The following FAM234B variants were observed in gnomAD, a reference collection of about 807,000 sequenced individuals.
FAM234B encodes family with sequence similarity 234 member B.
FAM234B carries 33 observed loss-of-function variants against 69.3 expected under a neutral mutation model. That is an observed-to-expected ratio of 0.48 (90% confidence interval 0.36 to 0.64). The LOEUF (loss-of-function observed/expected upper bound fraction) is 0.64. Among genes scored for constraint, FAM234B ranks in the 30% least tolerant of loss-of-function variants. FAM234B has a pLI of 0.00. For synonymous variants in FAM234B, 306 were observed against 306.9 expected, an observed-to-expected ratio of 1.00 and a Z score of 0.03; for missense variants, 697 against 769.7, an observed-to-expected ratio of 0.91 and a Z score of 1.12.
rs1361128114 is a variant in FAM234B at position 13,067,174 on chromosome 12, A to G, written c.1020A>G (p.Ala340=). The change falls in exon 7 of 13, where the codon GCA becomes GCG. Residue 340 remains alanine (A), a synonymous_variant. Coordinates refer to ENST00000197268, the MANE Select transcript of FAM234B (RefSeq NM_020853.2). This position sits in a 1 kb window ranked among gnomAD's most constrained non-coding sequence, Gnocchi z 4.7. ...TGCTAGGAAATATACAAGCTGTCGC[A>G]CTGCGGGACATTTTTGTTCAGGCCC... ...LFGFGNIQAV[A]LRDIFVQAQN... The G allele has an allele frequency of 1.2e-6, 2 of 1,614,032 alleles. No individual in the cohort carries two copies. Among genetic ancestry groups the G allele is most frequent in the Non-Finnish European group, 1.7e-6 (2 of 1,179,906 alleles).
chr12:13,080,958 CTA>C lies in FAM234B; in HGVS notation c.*330_*331del, dbSNP rs1865219107. ...GTCTTGCTGGGAAAGCCAGTGAAGTCTATGACTAGGAAACATTTTGTTGTACA... is the reference window on the plus strand; with the variant it reads ...GTCTTGCTGGGAAAGCCAGTGAAGTCTGACTAGGAAACATTTTGTTGTACA... On this transcript the variant is annotated 3_prime_UTR_variant, in exon 13 of 13. Transcript: ENST00000197268. 3.6e-6 allele frequency: 1 copy of C among 274,042 alleles called. No individual in the cohort carries two copies. The highest frequency in any genetic ancestry group is 6.8e-6 in the Non-Finnish European group (1 of 147,528). The allele number at this position is 274,042 out of a possible 1,614,324, so 17.0% of individuals were successfully genotyped here.
chr12:13,051,642 A>G (rs1307560796), intron 1 of FAM234B, among the ~76,000 whole-genome samples: 4 of 152,224 alleles, frequency 2.6e-5, no homozygotes, highest in Admixed American at 2.0e-4. Flanking sequence ...CTGGGATTGT[A>G]TCTAGTTCCA....
In FAM234B at chr12:13,061,721, A is replaced by T. The variant is rs1864984856; in HGVS notation, c.679A>T (p.Thr227Ser). ...CTTGGCTGAAACCATCTGCCTTGTGACAGGGACACACAAGATGCTCAGCGC... is the reference window on the plus strand; with the variant it reads ...CTTGGCTGAAACCATCTGCCTTGTGTCAGGGACACACAAGATGCTCAGCGC... The part of the protein sequence containing the change: ...GSLAETICLV[T>S]GTHKMLSAFN... Residue 227 changes from threonine to serine, a missense_variant, in exon 4 of 13, where the codon ACA (threonine) becomes TCA (serine). This residue lies in a region of FAM234B where 380 missense variants were observed against 447.1 expected (regional missense o/e 0.85). Coordinates refer to ENST00000197268, the MANE Select transcript of FAM234B (RefSeq NM_020853.2). 6.2e-7 allele frequency: 1 copy of T among 1,613,974 alleles called. No homozygotes were observed. Among genetic ancestry groups the T allele is most frequent in the Admixed American group, 1.7e-5 (1 of 59,998 alleles).
chr12:13,071,263 C>G lies in FAM234B; in HGVS notation c.1391C>G (p.Ser464Cys). The change falls in exon 10 of 13, where the codon TCT (serine) becomes TGT (cysteine). Residue 464 changes from serine (S) to cysteine (C), a missense_variant. Ser to Cys is a moderately radical substitution (Grantham distance 112). Around this residue, in one of 3 missense-constraint regions of FAM234B, gnomAD observed 313 missense variants for 305.5 expected, o/e 1.02. Coordinates refer to ENST00000197268, the MANE Select transcript of FAM234B (RefSeq NM_020853.2). ...MKKMMVVDGD[S>C]GSIVWSYRAP... ...TAGATGATGGTTGTGGATGGTGACT[C>G]TGGCTCCATTGTTTGGAGTTACCGT... 2 of 1,614,174 alleles carry G rather than the reference C, an allele frequency of 1.2e-6. No homozygotes were observed. Among genetic ancestry groups the G allele is most frequent in the Non-Finnish European group, 1.7e-6 (2 of 1,180,030 alleles).
chr12:13,046,714 CT>C (rs1361076109), intron 1 of FAM234B, among the ~76,000 whole-genome samples: 3 of 152,208 alleles, frequency 2.0e-5, no homozygotes, highest in African/African-American at 7.2e-5. Context: ...CTGCCTTGGC[CT>C]CCCAAAGTGC....
chr12:13,076,042 C>T lies in FAM234B; in HGVS notation c.1541C>T (p.Thr514Ile), dbSNP rs201910566. The T allele has an allele frequency of 1.2e-6, 2 of 1,613,992 alleles. No homozygotes were observed. Among genetic ancestry groups the T allele is most frequent in the East Asian group, 4.5e-5 (2 of 44,878 alleles). ...TATTATCAGGATATCATCCTAGGAA[C>T]TGAGCCGCCCAGCCTTCACCACCTT... The part of the protein sequence containing the change: ...ASPNSDIILG[T>I]EPPSLHHLYL... Residue 514 changes from threonine to isoleucine, a missense_variant, in exon 11 of 13, where the codon ACT becomes ATT. Physicochemically the swap from Thr to Ile is moderately conservative, Grantham distance 89. Transcript: ENST00000197268.
intron 1 of FAM234B, among the ~76,000 whole-genome samples, chr12:13,052,823 G>A (rs1037448593): frequency 2.6e-5 from 4 of 152,208 alleles, no homozygotes; most frequent in African/African-American, 7.2e-5. Flanking sequence ...ATCACATTTT[G>A]TTTATCATGT....
intron 2 of FAM234B, among the ~76,000 whole-genome samples, chr12:13,057,102 C>T (rs956472104): frequency 1.3e-4 from 20 of 151,706 alleles, no homozygotes; most frequent in African/African-American, 1.7e-4. Flanking sequence ...CTTAGCCTCC[C>T]GTGTAGCTGG....
In FAM234B at chr12:13,082,826, G is replaced by A. The variant is rs1043505259; in HGVS notation, c.*2196G>A. Reference sequence around the variant, plus strand: ...GGTGGGATTGTTTGGGCAGAGGACTGTGTTTATGCAGGGCAAATCCCAGAA... The same window carrying A: ...GGTGGGATTGTTTGGGCAGAGGACTATGTTTATGCAGGGCAAATCCCAGAA... On this transcript the variant is annotated 3_prime_UTR_variant, in exon 13 of 13. Coordinates refer to ENST00000197268, the MANE Select transcript of FAM234B (RefSeq NM_020853.2). 6.6e-6 allele frequency: 1 copy of A among 152,174 alleles called. No homozygotes were observed. The highest frequency in any genetic ancestry group is 2.4e-5 in the African/African-American group (1 of 41,442). The allele number at this position is 152,174 out of a possible 1,614,324, so 9.4% of individuals were successfully genotyped here.
At position 13,066,524 on chromosome 12, in the gene FAM234B, G is replaced by C. The variant is rs542279954; in HGVS notation, c.853-116G>C. 37 of 1,145,922 alleles carry C rather than the reference G, an allele frequency of 3.2e-5. No individual in the cohort carries two copies. In the African/African-American group the frequency reaches 5.4e-4, roughly 17 times the overall value. The allele number at this position is 1,145,922 out of a possible 1,614,324, so 71.0% of individuals were successfully genotyped here. A position where few individuals can be genotyped will look rare whatever the true frequency, so the allele number is the denominator to read the frequency against. On this transcript the variant is annotated intron_variant, in intron 5 of 12. Transcript: ENST00000197268. ...GGTTTGGCTTTGTGCTTTCCAACTT[G>C]GGGGAGTGTTTCTGAGCCCGTGGCT...
chr12:13,079,323 A>G (rs958645991), intron 11 of FAM234B, among the ~76,000 whole-genome samples: 5 of 152,236 alleles, frequency 3.3e-5, no homozygotes, highest in Non-Finnish European at 7.3e-5. Context: ...GTGCTGGGAA[A>G]ACTGGCTAGC....
At chr12:13,066,149 A>G (rs144190655) in intron 5 of FAM234B, among the ~76,000 whole-genome samples, 491 of 152,360 alleles carry the variant, frequency 3.2e-3, no homozygotes, top group African/African-American at 0.011. Flanking sequence ...GCTAAAATAT[A>G]TACTATTTGA....
intron 10 of FAM234B, among the ~76,000 whole-genome samples, chr12:13,075,695 A>G (rs1591602874): frequency 1.4e-5 from 2 of 147,872 alleles, no homozygotes; most frequent in Non-Finnish European, 3.0e-5. Context: ...ACCTCAGGTC[A>G]TCTGCCCACC....
At chr12:13,079,722 A>C in intron 11 of FAM234B, 67 bp from the exon 12 acceptor site, 28 of 975,998 alleles carry the variant, frequency 2.9e-5, no homozygotes, top group Non-Finnish European at 4.5e-5. Flanking sequence ...TTGTTGAACC[A>C]AACCCCTCTC....
intron 5 of FAM234B, among the ~76,000 whole-genome samples, chr12:13,063,980 T>C (rs538786388): frequency 1.6e-4 from 25 of 152,356 alleles, no homozygotes; most frequent in African/African-American, 6.0e-4. Context: ...TTGTAAATTC[T>C]GGAGGTGAAA....
rs1256187615 is a variant in FAM234B, at chr12:13,079,860, C to T, written c.1714C>T (p.Pro572Ser). Residue 572 changes from proline to serine, a missense_variant, in exon 12 of 13, where the codon CCA becomes TCA. Pro to Ser is a moderately conservative substitution (Grantham distance 74, BLOSUM62 -1). Transcript: ENST00000197268. ...RTTGPSSEGH[P>S]AALVVSKLSL... ...AACAGGGCCAAGCTCCGAAGGCCAT[C>T]CAGCAGCCCTGGTGGTCAGCAAGCT... The T allele has an allele frequency of 6.2e-7, 1 of 1,613,904 alleles. No individual in the cohort carries two copies. Among genetic ancestry groups the T allele is most frequent in the Non-Finnish European group, 8.5e-7 (1 of 1,179,990 alleles).
At chr12:13,070,440 G>A (rs927354342) in intron 9 of FAM234B, among the ~76,000 whole-genome samples, 7 of 152,008 alleles carry the variant, frequency 4.6e-5, no homozygotes, top group East Asian at 1.9e-4. Flanking sequence ...TAGGGCAAGC[G>A]GTTGTCCAAA....
chr12:13,044,654 G>T lies in FAM234B; in HGVS notation c.37+214G>T, dbSNP rs1207118983. 6.6e-6 allele frequency among the ~76,000 whole-genome samples: 1 copy of T among 152,236 alleles called. No individual in the cohort carries two copies. The highest frequency in any genetic ancestry group is 2.4e-5 in the African/African-American group (1 of 41,464). ...CAGCGGGGCAGGGGTCTCGGGCGCG[G>T]GGCGAACCCGGAGACGCGCGGGGAG... is the stretch of plus-strand genomic sequence containing the variant. On this transcript the variant is annotated intron_variant, in intron 1 of 12. Coordinates refer to ENST00000197268, the MANE Select transcript of FAM234B (RefSeq NM_020853.2). This position sits in a 1 kb window ranked among gnomAD's most constrained non-coding sequence, Gnocchi z 5.6.
At chr12:13,047,891 G>T (rs1224150478) in intron 1 of FAM234B, among the ~76,000 whole-genome samples, 1 of 152,068 alleles carries the variant, frequency 6.6e-6, no homozygotes, top group Non-Finnish European at 1.5e-5. Context: ...CAAGTTGGTG[G>T]ACGTCTTTTA....
Sources: allele counts gnomAD v4.1 joint callset (sites outside exome capture counted in the v4.1 genomes callset), GRCh38; gene constraint gnomAD v4.1.1; regional missense constraint gnomAD v4.1.1; non-coding constraint Gnocchi (gnomAD v3.1); transcripts MANE v1.5; gene names NCBI Gene and HGNC (gene_info 2026-07-23, HGNC 2026-07-21).